RNLS: variants seen among roughly 807,000 people sequenced by gnomAD.
RNLS encodes renalase.
Under a neutral mutation model 39.8 loss-of-function variants are expected in RNLS, and 39 were observed. The ratio of observed to expected loss-of-function variants is 0.98; its 90% confidence interval spans 0.76 to 1.28. The LOEUF is 1.28. Among genes scored for constraint, RNLS ranks in the 50% most tolerant of loss-of-function variants. The probability of loss-of-function intolerance (pLI) is 0.00; values close to 1 mark genes in which losing one functional copy is unlikely to be tolerated. For missense variants in RNLS, 410 were observed against 413.3 expected (o/e 0.99, Z 0.07); for synonymous variants, 147 against 150.7 (o/e 0.98, Z 0.18).
chr10:88,435,448 A>G (rs575588443), intron 4 of RNLS, among the ~76,000 whole-genome samples: 1 of 152,258 alleles, frequency 6.6e-6, no homozygotes, highest in Admixed American at 6.5e-5. Flanking sequence ...AACCAAAAAC[A>G]TTAAAAAAAT....
the RNLS span, among the ~76,000 whole-genome samples, chr10:88,261,919 GGAGTGGGAAAT>G: frequency 4.6e-5 from 7 of 152,306 alleles, no homozygotes; most frequent in East Asian, 1.4e-3. Context: ...TTTAGATGGA[GGAGTGGGAAAT>G]GAGGTCTTCA....
intron 4 of RNLS, among the ~76,000 whole-genome samples, chr10:88,469,811 T>G (rs990656931): frequency 1.4e-5 from 2 of 139,998 alleles, no homozygotes; most frequent in Non-Finnish European, 3.1e-5. Context: ...GTCAATATTT[T>G]TATGTGTGTG....
chr10:88,431,436 CTTGTTTTTCTA>C (rs1243058611), intron 4 of RNLS, among the ~76,000 whole-genome samples: 4 of 151,736 alleles, frequency 2.6e-5, no homozygotes, highest in Non-Finnish European at 4.4e-5. Context: ...TTTGGTTTCA[CTTGTTTTTCTA>C]TTGTTTTTCT....
the RNLS span, among the ~76,000 whole-genome samples, chr10:88,255,809 T>G: frequency 6.6e-6 from 1 of 152,188 alleles, no homozygotes. Context: ...AGCAGAGAGT[T>G]TTTGCGTGGA....
chr10:88,338,886 T>C (rs1377090756), intron 5 of RNLS, among the ~76,000 whole-genome samples: 1 of 150,460 alleles, frequency 6.6e-6, no homozygotes, highest in Admixed American at 6.7e-5. Flanking sequence ...CTCAGCCTCC[T>C]GAGTAGCTGG....
At chr10:88,525,826 T>C (rs754796496) in intron 4 of RNLS, among the ~76,000 whole-genome samples, 1 of 152,100 alleles carries the variant, frequency 6.6e-6, no homozygotes, top group African/African-American at 2.4e-5. Flanking sequence ...CATTTCTGTA[T>C]TTATAACATT....
intron 4 of RNLS, among the ~76,000 whole-genome samples, chr10:88,526,721 A>C (rs1847118083): frequency 6.6e-6 from 1 of 151,746 alleles, no homozygotes; most frequent in Non-Finnish European, 1.5e-5. Flanking sequence ...AGCTGGAATC[A>C]CGCCACTGCA....
chr10:88,579,671 A>AT (rs943351787), intron 3 of RNLS, among the ~76,000 whole-genome samples: 48 of 152,266 alleles, frequency 3.2e-4, no homozygotes, highest in South Asian at 1.2e-3. Flanking sequence ...TGGAAATGAG[A>AT]TTTTTTAAAG....
intron 4 of RNLS, among the ~76,000 whole-genome samples, chr10:88,383,919 T>C (rs1851700985): frequency 6.6e-6 from 1 of 152,132 alleles, no homozygotes; most frequent in Non-Finnish European, 1.5e-5. Flanking sequence ...TAGGAAGCAC[T>C]AACTTTGAAC....
chr10:88,316,931 A>G (rs1845805236), intron 5 of RNLS, among the ~76,000 whole-genome samples: 1 of 152,236 alleles, frequency 6.6e-6, no homozygotes, highest in Non-Finnish European at 1.5e-5. Flanking sequence ...CTAAAAATAC[A>G]AAGAGTCAAG....
intron 5 of RNLS, among the ~76,000 whole-genome samples, chr10:88,353,515 G>C (rs1262665066): frequency 2.0e-5 from 3 of 152,140 alleles, no homozygotes; most frequent in Non-Finnish European, 4.4e-5. Flanking sequence ...ATGTAGTTGA[G>C]CAGTTTTGAG....
At chr10:88,425,476 C>T (rs1370550685) in intron 4 of RNLS, among the ~76,000 whole-genome samples, 1 of 152,032 alleles carries the variant, frequency 6.6e-6, no homozygotes, top group Non-Finnish European at 1.5e-5. Context: ...ATGAATCTTC[C>T]TATTTACCCA....
chr10:88,476,266 T>C (rs1691461810), intron 4 of RNLS, among the ~76,000 whole-genome samples: 1 of 152,210 alleles, frequency 6.6e-6, no homozygotes. Context: ...TTTCTTAAAC[T>C]TCTAATGCAT....
intron 4 of RNLS, among the ~76,000 whole-genome samples, chr10:88,508,681 T>C (rs1845927479): frequency 6.6e-6 from 1 of 152,146 alleles, no homozygotes; most frequent in South Asian, 2.1e-4. Flanking sequence ...GTTAAAAGAC[T>C]ACAGCCTTGT....
intron 4 of RNLS, among the ~76,000 whole-genome samples, chr10:88,564,073 T>C (rs895775701): frequency 5.3e-5 from 8 of 152,172 alleles, no homozygotes; most frequent in African/African-American, 1.9e-4. Context: ...TCTATATTTC[T>C]AGATAAAGAA....
chr10:88,331,769 C>A (rs1564701633), intron 5 of RNLS, among the ~76,000 whole-genome samples: 1 of 152,160 alleles, frequency 6.6e-6, no homozygotes, highest in Non-Finnish European at 1.5e-5. Flanking sequence ...GCTGGCTCAA[C>A]TGCCCTCTAG....
the RNLS span, among the ~76,000 whole-genome samples, chr10:88,217,101 C>T: frequency 4.3e-4 from 65 of 152,238 alleles, no homozygotes; most frequent in African/African-American, 1.5e-3. Flanking sequence ...TTCAAACATC[C>T]ATTTGGGGTG....
At chr10:88,206,509 T>C in the RNLS span, among the ~76,000 whole-genome samples, 1 of 152,186 alleles carries the variant, frequency 6.6e-6, no homozygotes, top group Non-Finnish European at 1.5e-5. Context: ...TTTTGAGTTC[T>C]GAGATAGCGC....
In RNLS at chr10:88,365,516, AACACACACACAC is replaced by A. The variant is rs61386966; in HGVS notation, c.527-2803_527-2792del. Reference sequence around the variant, plus strand: ...TAATTCTCAGCCAATAGGATTATATAACACACACACACACACACACACACACACACACACACA... The same window carrying A: ...TAATTCTCAGCCAATAGGATTATATAACACACACACACACACACACACACA... On this transcript the variant is annotated intron_variant, in intron 4 of 6. Coordinates refer to ENST00000331772, the MANE Select transcript of RNLS (RefSeq NM_001031709.3). 9.9e-3 allele frequency among the ~76,000 whole-genome samples: 1,443 copies of A among 145,786 alleles called. 16 individuals are homozygous for A. The highest frequency in any genetic ancestry group is 0.034 in the East Asian group (168 of 4,986).
Sources: gnomAD v4.1 joint callset for allele counts (sites outside exome capture counted in the v4.1 genomes callset) on GRCh38, gnomAD v4.1.1 for gene constraint, MANE v1.5 for transcripts, NCBI Gene and HGNC (gene_info 2026-07-23, HGNC 2026-07-21) for gene names.